Variants in SRGAP3 observed in about 807,000 individuals in gnomAD.
SRGAP3 encodes SLIT-ROBO Rho GTPase activating protein 3.
Under a neutral mutation model 121.1 loss-of-function variants are expected in SRGAP3, and 39 were observed. That is an observed-to-expected ratio of 0.32 (90% CI 0.25 to 0.42). The LOEUF (loss-of-function observed/expected upper bound fraction) is 0.42, where lower values mean the gene tolerates loss of function less well. Ranked by LOEUF, SRGAP3 falls within the 10% of genes least tolerant of loss-of-function variation. SRGAP3 has a pLI of 1.00. For synonymous variants in SRGAP3, 601 were observed against 570.0 expected (o/e 1.05, Z -0.77); for missense variants, 1,213 against 1,470.6 (o/e 0.82, Z 2.86).
At chr3:9,046,559 G>A (rs1945289967) in intron 10 of SRGAP3, among the ~76,000 whole-genome samples, 1 of 152,232 alleles carries the variant, frequency 6.6e-6, no homozygotes, top group Admixed American at 6.5e-5. Context: ...AACTGCCACT[G>A]GAATGCATTG....
At position 9,249,422 on chromosome 3, in the gene SRGAP3, A is replaced by G. The variant is rs993797881; in HGVS notation, c.-471T>C. On this transcript the variant is annotated 5_prime_UTR_variant, in exon 1 of 22. Transcript: ENST00000383836. ...CACTCGCTGGATCACTCACACACAC[A>G]CATCCACGAGAGGCGCGGCGCCTCT... is the stretch of plus-strand genomic sequence containing the variant. 1 of 254,150 alleles carries G rather than the reference A, an allele frequency of 3.9e-6. No homozygotes were observed. Among genetic ancestry groups the G allele is most frequent in the Non-Finnish European group, 7.7e-6 (1 of 130,126 alleles). 15.7% of individuals were successfully genotyped at this position (254,150 alleles called of 1,614,324 possible).
rs184523828 is a variant in SRGAP3 at position 9,209,791 on chromosome 3, C to A, written c.67+39094G>T. Among the ~76,000 whole-genome samples the A allele has an allele frequency of 1.9e-3, 293 of 152,270 alleles. 1 individual carries two copies. The highest frequency in any genetic ancestry group is 3.4e-3 in the Non-Finnish European group (232 of 68,028). On this transcript the variant is annotated intron_variant, in intron 1 of 21. Coordinates refer to ENST00000383836, the MANE Select transcript of SRGAP3 (RefSeq NM_014850.4). ...GTAGAGCCATACACTGGAACTGTAGCTAGGCACTCAAAAAGAATGAAGCCT... is the reference window on the plus strand; with the variant it reads ...GTAGAGCCATACACTGGAACTGTAGATAGGCACTCAAAAAGAATGAAGCCT...
intron 1 of SRGAP3, among the ~76,000 whole-genome samples, chr3:9,337,142 T>G (rs1157292894): frequency 6.6e-6 from 1 of 152,228 alleles, no homozygotes; most frequent in Non-Finnish European, 1.5e-5. Flanking sequence ...CAGGCAAAGT[T>G]ACTCTTAGCC....
chr3:9,150,178 A>T (rs980557963), intron 1 of SRGAP3, among the ~76,000 whole-genome samples: 9 of 152,032 alleles, frequency 5.9e-5, no homozygotes, highest in Non-Finnish European at 1.5e-5. Context: ...GGGTCCCGAA[A>T]GTAATGGCAT....
At chr3:9,112,556 G>A (rs143412196) in intron 2 of SRGAP3, among the ~76,000 whole-genome samples, 74 of 152,272 alleles carry the variant, frequency 4.9e-4, no homozygotes, top group East Asian at 3.1e-3. Flanking sequence ...AAATGGCAGC[G>A]GGAAGAAGGG....
chr3:9,242,096 A>G (rs959075204), intron 1 of SRGAP3, among the ~76,000 whole-genome samples: 2 of 151,310 alleles, frequency 1.3e-5, no homozygotes, highest in Non-Finnish European at 3.0e-5. Context: ...AAAAAAAAAA[A>G]AAAGAGGAAG....
intron 1 of SRGAP3, among the ~76,000 whole-genome samples, chr3:9,340,730 A>G (rs1206400608): frequency 2.0e-5 from 3 of 152,168 alleles, no homozygotes; most frequent in Non-Finnish European, 4.4e-5. Flanking sequence ...CTTGATGTGT[A>G]CAAGAGCCCT....
intron 4 of SRGAP3, among the ~76,000 whole-genome samples, chr3:9,074,777 A>G (rs763518221): frequency 6.6e-5 from 10 of 152,244 alleles, no homozygotes; most frequent in Non-Finnish European, 1.3e-4. Context: ...GAGCCCATAC[A>G]CAATCAATCA....
intron 4 of SRGAP3, among the ~76,000 whole-genome samples, chr3:9,068,235 A>G (rs1056259025): frequency 2.6e-5 from 4 of 152,104 alleles, no homozygotes; most frequent in African/African-American, 9.7e-5. Context: ...GAGCCTTTCT[A>G]TTTACAGCTA....
At chr3:9,266,664 T>G (rs5003797) in intron 3 of SRGAP3, among the ~76,000 whole-genome samples, 14,983 of 137,762 alleles carry the variant, frequency 0.11, 855 homozygotes, top group Admixed American at 0.17. Flanking sequence ...TTTTGGTTTT[T>G]GGGTTTTTTT....
At position 9,109,560 on chromosome 3, in the gene SRGAP3, AG is replaced by A. The variant is rs1190952081; in HGVS notation, c.261-4719del. On this transcript the variant is annotated intron_variant, in intron 2 of 21. Transcript: ENST00000383836. The surrounding 1 kb of genome is among the most constrained non-coding windows in gnomAD (Gnocchi z 4.4). ...TTGTGTGTCTGTGCTGGGCAGGACT[AG>A]GTGCTGCGAGTGCAGGAGCAACCAA... Among the ~76,000 whole-genome samples, 17 of 152,306 alleles carry A rather than the reference AG, an allele frequency of 1.1e-4. No individual in the cohort carries two copies. Among genetic ancestry groups the A allele is most frequent in the Middle Eastern group, 3.4e-3 (1 of 294 alleles).
intron 1 of SRGAP3, among the ~76,000 whole-genome samples, chr3:9,233,518 C>T (rs1953300981): frequency 6.6e-6 from 1 of 152,168 alleles, no homozygotes; most frequent in Non-Finnish European, 1.5e-5. Flanking sequence ...TCTGGAACCA[C>T]TTTTATCTTT....
In SRGAP3 at chr3:9,335,228, G is replaced by A. The variant is rs112137497; in HGVS notation, n.215-4632C>T. Among the ~76,000 whole-genome samples the A allele has an allele frequency of 2.4e-3, 358 of 152,284 alleles. 1 individual carries two copies. Among genetic ancestry groups the A allele is most frequent in the African/African-American group, 8.4e-3 (348 of 41,560 alleles). On this transcript the variant is annotated intron_variant and non_coding_transcript_variant, in intron 1 of 3. Transcript: ENST00000490889. ...TGGGCTCATTTGGGATAGCAGGGCC[G>A]CTAGTACTTGTTGCTAATGTTGAAT...
intron 1 of SRGAP3, chr3:9,348,948 T>C (rs989750928): frequency 2.5e-5 from 24 of 948,998 alleles, no homozygotes; most frequent in Non-Finnish European, 4.2e-5. Flanking sequence ...AATGAAGAAA[T>C]AGTTCCCCAG....
intron 1 of SRGAP3, among the ~76,000 whole-genome samples, chr3:9,191,089 T>C (rs1466110746): frequency 1.3e-5 from 2 of 152,166 alleles, no homozygotes; most frequent in Admixed American, 1.3e-4. Flanking sequence ...CCACACTCTG[T>C]CCTCAGTTCC....
chr3:9,297,301 TG>T (rs1954968694), intron 3 of SRGAP3, among the ~76,000 whole-genome samples: 1 of 152,146 alleles, frequency 6.6e-6, no homozygotes, highest in Non-Finnish European at 1.5e-5. Flanking sequence ...TTTTCCTGCT[TG>T]GGGCAAAAAC....
intron 2 of SRGAP3, among the ~76,000 whole-genome samples, chr3:9,108,427 G>A (rs191029382): frequency 6.6e-6 from 1 of 152,224 alleles, no homozygotes; most frequent in East Asian, 1.9e-4. Flanking sequence ...AGACCAGCCT[G>A]GGCAACATAG....
intron 12 of SRGAP3, among the ~76,000 whole-genome samples, chr3:9,027,589 C>T (rs968198605): frequency 1.3e-5 from 2 of 152,156 alleles, no homozygotes; most frequent in South Asian, 2.1e-4. Flanking sequence ...TAGAGGCAGC[C>T]GATGTCAGCC....
intron 3 of SRGAP3, among the ~76,000 whole-genome samples, chr3:9,294,695 CGTGTGT>C (rs753452580): frequency 2.0e-3 from 239 of 119,876 alleles, no homozygotes; most frequent in East Asian, 9.9e-3. Flanking sequence ...TTGAAGCTTT[CGTGTGT>C]GTGTGTGTGT....
Sources: allele counts gnomAD v4.1 joint callset (sites outside exome capture counted in the v4.1 genomes callset), GRCh38; gene constraint gnomAD v4.1.1; non-coding constraint Gnocchi (gnomAD v3.1); transcripts MANE v1.5; gene names NCBI Gene and HGNC (gene_info 2026-07-23, HGNC 2026-07-21).